SLIT3: variants seen among roughly 807,000 people sequenced by gnomAD.
SLIT3 encodes slit guidance ligand 3.
SLIT3 carries 68 observed loss-of-function variants against 184.0 expected under a neutral mutation model. The ratio of observed to expected loss-of-function variants is 0.37; its 90% CI spans 0.30 to 0.45. The LOEUF (loss-of-function observed/expected upper bound fraction) is 0.45. Ranked by LOEUF, SLIT3 falls within the 20% of genes least tolerant of loss-of-function variation. The probability of loss-of-function intolerance (pLI) is 1.00; values close to 1 mark genes in which losing one functional copy is unlikely to be tolerated. For missense variants in SLIT3, 1,707 were observed against 2,026.0 expected, an observed-to-expected ratio of 0.84 and a Z score of 3.02; for synonymous variants, 831 against 828.6, an observed-to-expected ratio of 1.00 and a Z score of -0.05.
intron 4 of SLIT3, among the ~76,000 whole-genome samples, chr5:169,086,672 T>C (rs1759313210): frequency 6.6e-6 from 1 of 152,232 alleles, no homozygotes; most frequent in Non-Finnish European, 1.5e-5. Flanking sequence ...CTGCTGGTGA[T>C]TATGAAAATT....
chr5:169,133,324 A>G (rs1417012084), intron 4 of SLIT3, among the ~76,000 whole-genome samples: 6 of 152,104 alleles, frequency 3.9e-5, no homozygotes, highest in Non-Finnish European at 1.5e-5. Flanking sequence ...CTGTGGTTCA[A>G]CTTCTTGGAA....
intron 19 of SLIT3, among the ~76,000 whole-genome samples, chr5:168,749,065 C>T (rs78871483): frequency 0.071 from 10,868 of 152,192 alleles, 509 homozygotes; most frequent in Non-Finnish European, 0.1. Context: ...GGCCAGGGCT[C>T]CCATGTACAG....
intron 5 of SLIT3, among the ~76,000 whole-genome samples, chr5:168,845,143 A>G (rs1424373248): frequency 6.6e-6 from 1 of 152,082 alleles, no homozygotes; most frequent in African/African-American, 2.4e-5. Context: ...CTAAATCTCA[A>G]GGCTTTATCT....
intron 4 of SLIT3, among the ~76,000 whole-genome samples, chr5:169,159,701 G>A (rs1222357855): frequency 6.6e-6 from 1 of 152,140 alleles, no homozygotes; most frequent in African/African-American, 2.4e-5. Flanking sequence ...GCGTGAACCT[G>A]GGAGGCAGAG....
Position 168,978,867 on chromosome 5 carries a change from C to T in SLIT3, c.414-95531G>A, listed in dbSNP as rs1754853298. ...TCCCTCCTCCATTGGAAGCTTAACC[C>T]TGGGAGGGTGCTGTCATCCACCTTA... On this transcript the variant is annotated intron_variant, in intron 4 of 35. Coordinates refer to ENST00000519560, the MANE Select transcript of SLIT3 (RefSeq NM_003062.4). Among the ~76,000 whole-genome samples, 3 of 124,680 alleles carry T rather than the reference C, an allele frequency of 2.4e-5. No individual in the cohort carries two copies. The Admixed American group carries it at 3.3e-4, about 14-fold the overall frequency. 81.8% of individuals were successfully genotyped at this position (124,680 alleles called of 152,430 possible).
intron 4 of SLIT3, among the ~76,000 whole-genome samples, chr5:169,161,071 A>C (rs1404565376): frequency 2.0e-5 from 3 of 152,148 alleles, no homozygotes; most frequent in Non-Finnish European, 4.4e-5. Context: ...TCACTCCTAC[A>C]TACGTCCCCA....
At chr5:168,786,890 G>A (rs766822682) in intron 11 of SLIT3, among the ~76,000 whole-genome samples, 65 of 152,142 alleles carry the variant, frequency 4.3e-4, no homozygotes, top group Non-Finnish European at 6.8e-4. Context: ...GGAACTGATC[G>A]TAGGAGAGTT....
chr5:169,086,541 C>T (rs1409956351), intron 4 of SLIT3, among the ~76,000 whole-genome samples: 1 of 152,174 alleles, frequency 6.6e-6, no homozygotes, highest in Non-Finnish European at 1.5e-5. Flanking sequence ...AAGAAATGCA[C>T]ATTAGAACCA....
chr5:168,819,225 G>C (rs866574810), intron 7 of SLIT3, among the ~76,000 whole-genome samples: 1 of 152,230 alleles, frequency 6.6e-6, no homozygotes, highest in Non-Finnish European at 1.5e-5. Context: ...CTAAGCTGGT[G>C]GGAAGGACCT....
At chr5:169,208,375 T>C (rs1764146216) in intron 3 of SLIT3, among the ~76,000 whole-genome samples, 1 of 152,202 alleles carries the variant, frequency 6.6e-6, no homozygotes, top group Admixed American at 6.5e-5. Context: ...CATTCCTTGT[T>C]AGTGGTATTC....
intron 5 of SLIT3, among the ~76,000 whole-genome samples, chr5:168,876,262 C>A (rs1248032976): frequency 6.6e-6 from 1 of 152,142 alleles, no homozygotes; most frequent in African/African-American, 2.4e-5. Flanking sequence ...GCACAAGTCT[C>A]CTCTCTGCCC....
intron 1 of SLIT3, among the ~76,000 whole-genome samples, chr5:169,284,979 T>C (rs575162097): frequency 5.3e-5 from 8 of 152,234 alleles, no homozygotes; most frequent in African/African-American, 9.6e-5. Flanking sequence ...GGTGCAATCA[T>C]GGCTCACTGC....
chr5:169,018,668 G>T (rs1258260869), intron 4 of SLIT3: 1 of 152,140 alleles, frequency 6.6e-6, no homozygotes, highest in African/African-American at 2.4e-5. Flanking sequence ...TCTTATCTCC[G>T]AGTTGGGTGG....
chr5:168,820,951 C>T (rs1468180543), intron 7 of SLIT3, among the ~76,000 whole-genome samples: 4 of 152,242 alleles, frequency 2.6e-5, no homozygotes, highest in South Asian at 4.2e-4. Context: ...CACCACCAGC[C>T]GTCCCCCCCA....
chr5:169,201,263 G>A (rs1376544695), intron 3 of SLIT3, among the ~76,000 whole-genome samples: 1 of 152,150 alleles, frequency 6.6e-6, no homozygotes, highest in Non-Finnish European at 1.5e-5. Flanking sequence ...ATTTCTATAG[G>A]AGAAAGAAGT....
chr5:168,810,102 CCA>C (rs1242692293), intron 8 of SLIT3, among the ~76,000 whole-genome samples: 3 of 152,198 alleles, frequency 2.0e-5, no homozygotes, highest in Non-Finnish European at 2.9e-5. Flanking sequence ...CCCTTACTGT[CCA>C]CACATGTTGG....
intron 4 of SLIT3, among the ~76,000 whole-genome samples, chr5:168,950,000 T>G (rs1562022993): frequency 6.6e-6 from 1 of 152,182 alleles, no homozygotes. Context: ...AAATACAGCA[T>G]TGGATGGCTT....
intron 1 of SLIT3, among the ~76,000 whole-genome samples, chr5:169,296,304 A>C (rs759010839): frequency 6.6e-6 from 1 of 152,234 alleles, no homozygotes; most frequent in Non-Finnish European, 1.5e-5. Flanking sequence ...GGATACTTAC[A>C]GTTCCCCCAG....
intron 4 of SLIT3, among the ~76,000 whole-genome samples, chr5:168,968,135 C>T (rs1763278031): frequency 6.6e-6 from 1 of 152,114 alleles, no homozygotes. Flanking sequence ...ATATGCCATT[C>T]CTTCTCTCCA....
Sources: allele counts gnomAD v4.1 joint callset (sites outside exome capture counted in the v4.1 genomes callset), GRCh38; gene constraint gnomAD v4.1.1; transcripts MANE v1.5; gene names NCBI Gene and HGNC (gene_info 2026-07-23, HGNC 2026-07-21).